SDK1: variants seen among roughly 807,000 people sequenced by gnomAD.
SDK1 encodes protein sidekick-1.
Under a neutral mutation model 245.5 loss-of-function variants are expected in SDK1, and 157 were observed. The ratio of observed to expected loss-of-function variants is 0.64; its 90% confidence interval spans 0.56 to 0.73. The LOEUF (loss-of-function observed/expected upper bound fraction) is 0.73. SDK1 is among the 30% of genes least tolerant of loss of function. The pLI is 0.00. For synonymous variants in SDK1, 1,647 were observed against 1,278.5 expected (o/e 1.29, Z -6.15); for missense variants, 3,583 against 3,002.3 (o/e 1.19, Z -4.52).
chr7:3,427,733 GTT>G (rs1279647053), intron 1 of SDK1, among the ~76,000 whole-genome samples: 1 of 152,130 alleles, frequency 6.6e-6, no homozygotes, highest in East Asian at 1.9e-4. Context: ...TTAATGTGAA[GTT>G]TTTTTGCTGG....
In SDK1 at chr7:3,922,523, T is replaced by C. The variant is rs114188942; in HGVS notation, c.848-28400T>C. 3.5e-3 allele frequency among the ~76,000 whole-genome samples: 527 copies of C among 152,394 alleles called. 3 individuals are homozygous for C. The highest frequency in any genetic ancestry group is 0.012 in the African/African-American group (501 of 41,598). ...TTGAGAAATGAGTATGGCCAGTGACTGACATCTTTAGAATATTTCTGAAAC... is the reference window on the plus strand; with the variant it reads ...TTGAGAAATGAGTATGGCCAGTGACCGACATCTTTAGAATATTTCTGAAAC... On this transcript the variant is annotated intron_variant, in intron 5 of 44. Coordinates refer to ENST00000404826, the MANE Select transcript of SDK1 (RefSeq NM_152744.4).
In SDK1 at chr7:3,771,646, A is replaced by G. The variant is rs73306121; in HGVS notation, c.714-49804A>G. On this transcript the variant is annotated intron_variant, in intron 4 of 44. Coordinates refer to ENST00000404826, the MANE Select transcript of SDK1 (RefSeq NM_152744.4). Reference sequence around the variant, plus strand: ...AAGAATATGCTTTGTCTTCTCAGAAATTGTTATTTTTTTCCAGATTATTTC... The same window carrying G: ...AAGAATATGCTTTGTCTTCTCAGAAGTTGTTATTTTTTTCCAGATTATTTC... 7.2e-3 allele frequency among the ~76,000 whole-genome samples: 1,091 copies of G among 152,242 alleles called. 12 individuals are homozygous for G. Among genetic ancestry groups the G allele is most frequent in the African/African-American group, 0.025 (1,019 of 41,540 alleles).
intron 1 of SDK1, among the ~76,000 whole-genome samples, chr7:3,426,926 G>A (rs1336924303): frequency 6.6e-6 from 1 of 152,212 alleles, no homozygotes; most frequent in Admixed American, 6.5e-5. Context: ...GGCATGCAGA[G>A]TTCTTCAAAA....
intron 1 of SDK1, among the ~76,000 whole-genome samples, chr7:3,592,772 A>G (rs796593076): frequency 6.6e-6 from 1 of 152,224 alleles, no homozygotes; most frequent in Non-Finnish European, 1.5e-5. Flanking sequence ...TCGTAGCTCC[A>G]GAATCTGCTC....
intron 4 of SDK1, among the ~76,000 whole-genome samples, chr7:3,780,168 C>A (rs927995882): frequency 5.3e-5 from 8 of 152,332 alleles, no homozygotes; most frequent in Non-Finnish European, 1.0e-4. Context: ...GAAGAATGGT[C>A]TCACTCTGAC....
chr7:3,996,952 A>G (rs1784731620), intron 14 of SDK1, among the ~76,000 whole-genome samples: 1 of 152,222 alleles, frequency 6.6e-6, no homozygotes, highest in Non-Finnish European at 1.5e-5. Context: ...TTATTGAGAT[A>G]TAATTTGTAT....
At chr7:3,749,356 A>G (rs1340710847) in intron 4 of SDK1, among the ~76,000 whole-genome samples, 1 of 151,054 alleles carries the variant, frequency 6.6e-6, no homozygotes, top group East Asian at 1.9e-4. Flanking sequence ...CTGGAGTGCA[A>G]TGGCACGATC....
chr7:3,669,377 C>G (rs766085547), intron 4 of SDK1, among the ~76,000 whole-genome samples: 4 of 152,080 alleles, frequency 2.6e-5, no homozygotes, highest in Non-Finnish European at 4.4e-5. Context: ...CACCTTCTTA[C>G]CCCCTTTTCA....
intron 5 of SDK1, among the ~76,000 whole-genome samples, chr7:3,846,497 C>A (rs1275461627): frequency 6.6e-6 from 1 of 152,128 alleles, no homozygotes; most frequent in Non-Finnish European, 1.5e-5. Flanking sequence ...GACTGCCTTC[C>A]CCAAGGCCCT....
At chr7:3,482,049 AG>A (rs1562513473) in intron 1 of SDK1, among the ~76,000 whole-genome samples, 1 of 152,246 alleles carries the variant, frequency 6.6e-6, no homozygotes, top group East Asian at 1.9e-4. Flanking sequence ...CATCTATTAA[AG>A]AAAAAAGGCA....
rs143484450 is a variant in SDK1 at position 4,077,039 on chromosome 7, C to A, written c.3052C>A (p.Arg1018Ser). The change falls in exon 21 of 45, where the codon CGT becomes AGT. Residue 1018 changes from arginine to serine, a missense_variant. Coordinates refer to ENST00000404826, the MANE Select transcript of SDK1 (RefSeq NM_152744.4). ...GGAAGTGTACGGCAGGAACGACTCT[C>A]GTCTCACGCACACCCTGAACAGCAC... ...SWEVYGRNDS[R>S]LTHTLNSTTH... The A allele has an allele frequency of 2.5e-5, 40 of 1,614,072 alleles. No individual in the cohort carries two copies. The highest frequency in any genetic ancestry group is 3.3e-5 in the Non-Finnish European group (39 of 1,180,030).
chr7:3,880,260 T>G (rs1016977638), intron 5 of SDK1, among the ~76,000 whole-genome samples: 1 of 152,146 alleles, frequency 6.6e-6, no homozygotes, highest in Non-Finnish European at 1.5e-5. Flanking sequence ...CTATTAGAAA[T>G]AAATCCCGAA....
rs188580811 is a variant in SDK1, at chr7:4,169,251, G to A, written c.4801-4971G>A. 5.1e-4 allele frequency among the ~76,000 whole-genome samples: 78 copies of A among 152,340 alleles called. No individual in the cohort carries two copies. In the East Asian group the frequency reaches 0.013, roughly 26 times the overall value. ...GCTCCGGTGGATTGGAGGAAGCTCC[G>A]TTCTGGCCAGTCTCCTTCTGGGGAG... On this transcript the variant is annotated intron_variant, in intron 32 of 44. Coordinates refer to ENST00000404826, the MANE Select transcript of SDK1 (RefSeq NM_152744.4).
At chr7:3,376,628 G>A (rs1260275248) in intron 1 of SDK1, among the ~76,000 whole-genome samples, 1 of 152,146 alleles carries the variant, frequency 6.6e-6, no homozygotes. Context: ...TCCTTGATTG[G>A]CAGGAAGATT....
chr7:3,346,789 GTA>G lies in SDK1; in HGVS notation c.298+44907_298+44908del, dbSNP rs1314667525. ...TATGTATATATGTATACATATATAT[GTA>G]TGTGTGTGTGTGTGTGTATATATAT... is the stretch of plus-strand genomic sequence containing the variant. On this transcript the variant is annotated intron_variant, in intron 1 of 44. Coordinates refer to ENST00000404826, the MANE Select transcript of SDK1 (RefSeq NM_152744.4). 7.6e-4 allele frequency among the ~76,000 whole-genome samples: 58 copies of G among 76,316 alleles called. 1 individual carries two copies. Among genetic ancestry groups the G allele is most frequent in the African/African-American group, 2.2e-3 (39 of 17,474 alleles). The allele number at this position is 76,316 out of a possible 152,430, so 50.1% of individuals were successfully genotyped here.
chr7:3,581,904 C>T (rs1464213122), intron 1 of SDK1, among the ~76,000 whole-genome samples: 1 of 152,198 alleles, frequency 6.6e-6, no homozygotes, highest in Admixed American at 6.5e-5. Context: ...GAACAGAAAA[C>T]CAAATATCAC....
At chr7:3,835,202 T>C (rs567343325) in intron 5 of SDK1, among the ~76,000 whole-genome samples, 102 of 152,308 alleles carry the variant, frequency 6.7e-4, no homozygotes, top group African/African-American at 2.3e-3. Flanking sequence ...AATTCTGATA[T>C]CTTCTGATGT....
intron 5 of SDK1, among the ~76,000 whole-genome samples, chr7:3,930,186 C>T (rs886973741): frequency 1.3e-5 from 2 of 152,090 alleles, no homozygotes; most frequent in Admixed American, 1.3e-4. Flanking sequence ...ATAACCAGCT[C>T]CTAGGAGAGG....
intron 1 of SDK1, among the ~76,000 whole-genome samples, chr7:3,562,076 G>C (rs955858476): frequency 1.3e-5 from 2 of 152,218 alleles, no homozygotes; most frequent in African/African-American, 4.8e-5. Context: ...ATCTGGGACA[G>C]AATGCCACGC....
Sources: gnomAD v4.1 joint callset for allele counts (sites outside exome capture counted in the v4.1 genomes callset) on GRCh38, gnomAD v4.1.1 for gene constraint, MANE v1.5 for transcripts, NCBI Gene and HGNC (gene_info 2026-07-23, HGNC 2026-07-21) for gene names.